The following PRDM15 variants were observed in gnomAD, a reference collection of about 807,000 sequenced individuals.
The protein encoded by PRDM15 is PR domain zinc finger protein 15.
Under a neutral mutation model 128.6 loss-of-function variants are expected in PRDM15, and 64 were observed. The observed-to-expected ratio is 0.50, with a 90% CI of 0.41 to 0.61. PRDM15 has a LOEUF of 0.61. PRDM15 is among the 20% of genes least tolerant of loss of function. The pLI is 0.00. For missense variants in PRDM15, 1,242 were observed against 1,569.1 expected (o/e 0.79, Z 3.52); for synonymous variants, 615 against 621.8 (o/e 0.99, Z 0.16).
chr21:41,839,871 A>G lies in PRDM15; in HGVS notation c.641-18T>C, dbSNP rs780798508. 1.2e-6 allele frequency: 2 copies of G among 1,605,556 alleles called. No homozygotes were observed. Among genetic ancestry groups the G allele is most frequent in the Non-Finnish European group, 1.7e-6 (2 of 1,172,490 alleles). On this transcript the variant is annotated intron_variant, in intron 6 of 23. Coordinates refer to ENST00000398548, the MANE Select transcript of PRDM15 (RefSeq NM_001040424.3). ...CAGATGTTCTGCAAAGAGAGACGCG[A>G]ATGCACCACACAATTAGGAAGCCTG...
intron 14 of PRDM15, among the ~76,000 whole-genome samples, chr21:41,822,829 G>A (rs1468706541): frequency 6.6e-6 from 1 of 152,112 alleles, no homozygotes; most frequent in Non-Finnish European, 1.5e-5. Flanking sequence ...GAGGTCAGGA[G>A]TTCAAGACCA....
rs761342032 is a variant in PRDM15, at chr21:41,810,743, C to T, written c.2476+10G>A. ...GCGCCCCGAAGGCTCCTTCAGGCTG[C>T]GCCGCTCACCTGTGTGGATGAGCTT... On this transcript the variant is annotated intron_variant, in intron 20 of 23. Transcript: ENST00000398548. This position sits in a 1 kb window ranked among gnomAD's most constrained non-coding sequence, Gnocchi z 6.4. 4.0e-5 allele frequency: 65 copies of T among 1,612,848 alleles called. No individual in the cohort carries two copies. In the Admixed American group the frequency reaches 4.2e-4, roughly 10 times the overall value.
At chr21:41,826,281 C>T (rs774262957) in intron 12 of PRDM15, among the ~76,000 whole-genome samples, 11 of 152,290 alleles carry the variant, frequency 7.2e-5, no homozygotes, top group Non-Finnish European at 1.5e-4. Context: ...GATGGCACAA[C>T]GTATGTGGGA....
intron 1 of PRDM15, among the ~76,000 whole-genome samples, chr21:41,864,436 A>G (rs1195634442): frequency 6.6e-6 from 1 of 150,960 alleles, no homozygotes; most frequent in Non-Finnish European, 1.5e-5. Context: ...AATCATTTGC[A>G]TCTTCATTCA....
chr21:41,799,604 A>G lies in PRDM15; in HGVS notation c.*1636T>C, dbSNP rs961808440. The G allele has an allele frequency of 1.3e-5, 2 of 152,182 alleles. No homozygotes were observed. Among genetic ancestry groups the G allele is most frequent in the African/African-American group, 2.4e-5 (1 of 41,438 alleles). The allele number at this position is 152,182 out of a possible 1,614,324, so 9.4% of individuals were successfully genotyped here. On this transcript the variant is annotated 3_prime_UTR_variant, in exon 24 of 24. Coordinates refer to ENST00000398548, the MANE Select transcript of PRDM15 (RefSeq NM_001040424.3). Reference sequence around the variant, plus strand: ...CATGAAGGCATATATTGCACAAAACAAATTCCAGCCCTGTCCTCAAAAGTC... The same window carrying G: ...CATGAAGGCATATATTGCACAAAACGAATTCCAGCCCTGTCCTCAAAAGTC...
At chr21:41,816,050 T>A (rs6586243) in intron 18 of PRDM15, among the ~76,000 whole-genome samples, 1 of 152,186 alleles carries the variant, frequency 6.6e-6, no homozygotes, top group Non-Finnish European at 1.5e-5. Flanking sequence ...AACATCAGGT[T>A]CACTCACTCC....
At chr21:41,851,117 G>A (rs1225320071) in intron 5 of PRDM15, among the ~76,000 whole-genome samples, 5 of 67,960 alleles carry the variant, frequency 7.4e-5, no homozygotes, top group Admixed American at 4.9e-4. Context: ...TGGGCCAGAG[G>A]TACAACAATG....
At chr21:41,872,503 T>C (rs889700046) in intron 1 of PRDM15, among the ~76,000 whole-genome samples, 4 of 152,226 alleles carry the variant, frequency 2.6e-5, no homozygotes, top group African/African-American at 4.8e-5. Flanking sequence ...ATAACTTTAA[T>C]TGATTTTTTA....
chr21:41,846,190 G>A (rs2063259568), intron 6 of PRDM15, among the ~76,000 whole-genome samples: 1 of 152,214 alleles, frequency 6.6e-6, no homozygotes, highest in Non-Finnish European at 1.5e-5. Context: ...CTCTGAGCAC[G>A]TTCCACATGT....
At chr21:41,830,631 A>G (rs996428462) in intron 11 of PRDM15, among the ~76,000 whole-genome samples, 1 of 151,932 alleles carries the variant, frequency 6.6e-6, no homozygotes, top group African/African-American at 2.4e-5. Flanking sequence ...CACCACAGAA[A>G]TACTCAACAC....
At chr21:41,831,592 C>A (rs998156282) in intron 11 of PRDM15, among the ~76,000 whole-genome samples, 1 of 152,182 alleles carries the variant, frequency 6.6e-6, no homozygotes, top group Non-Finnish European at 1.5e-5. Context: ...CAACCTCCCC[C>A]GGGAGAGCCA....
intron 7 of PRDM15, 115 bp from the exon 8 acceptor site, chr21:41,838,178 C>A: frequency 1.8e-6 from 2 of 1,097,300 alleles, no homozygotes; most frequent in African/African-American, 1.6e-5. Context: ...ATGGTAGGCA[C>A]AAATGTTGAG....
rs938321441 is a variant in PRDM15 at position 41,810,136 on chromosome 21, G to A, written c.2652+18C>T. ...GGCCCGCTGGCGGGGCACGGAGGGG[G>A]CACAGCCACCAGCTCACCTCGGGGT... On this transcript the variant is annotated intron_variant, in intron 21 of 23. Transcript: ENST00000398548. The surrounding 1 kb of genome is among the most constrained non-coding windows in gnomAD (Gnocchi z 6.4). 4 of 1,594,352 alleles carry A rather than the reference G, an allele frequency of 2.5e-6. No individual in the cohort carries two copies. Among genetic ancestry groups the A allele is most frequent in the Non-Finnish European group, 3.4e-6 (4 of 1,171,034 alleles).
intron 5 of PRDM15, among the ~76,000 whole-genome samples, chr21:41,852,293 G>A (rs77642650): frequency 0.094 from 14,340 of 152,348 alleles, 923 homozygotes; most frequent in Non-Finnish European, 0.14. Flanking sequence ...AAACCCCGGC[G>A]TGGCTGCAGT....
intron 11 of PRDM15, among the ~76,000 whole-genome samples, chr21:41,830,779 C>A (rs1568942037): frequency 6.6e-6 from 1 of 152,232 alleles, no homozygotes; most frequent in Non-Finnish European, 1.5e-5. Context: ...GCATCCCAGA[C>A]CTCATCTCCA....
In PRDM15 at chr21:41,871,422, C is replaced by G. The variant is rs2064204870; in HGVS notation, c.-10+7848G>C. 3 of 1,345,838 alleles carry G rather than the reference C, an allele frequency of 2.2e-6. No homozygotes were observed. In the South Asian group the frequency reaches 5.3e-5, roughly 24 times the overall value. 83.4% of individuals were successfully genotyped at this position (1,345,838 alleles called of 1,614,324 possible). On this transcript the variant is annotated intron_variant, in intron 1 of 23. Transcript: ENST00000398548. ...TGTCACTGTCCCTCTTAAGCAGCAG[C>G]TGCCATTGTTAAAGCCACAGGCTGT...
At chr21:41,851,778 T>TG (rs2063437859) in intron 5 of PRDM15, among the ~76,000 whole-genome samples, 1 of 152,112 alleles carries the variant, frequency 6.6e-6, no homozygotes, top group African/African-American at 2.4e-5. Context: ...AGCCAGTGAG[T>TG]GGAATCGCCA....
chr21:41,867,500 C>T lies in PRDM15; in HGVS notation c.-9-7128G>A, dbSNP rs2038602780. On this transcript the variant is annotated intron_variant, in intron 1 of 23. Transcript: ENST00000398548. The stretch of plus-strand genomic sequence containing the variant: ...CAGGCTGGAGCGCAGTGGTTTTTCA[C>T]AGGCGTGAACATAGCGCACTACAGC... 3 of 712,182 alleles carry T rather than the reference C, an allele frequency of 4.2e-6. No individual in the cohort carries two copies. The Admixed American group carries it at 7.6e-5, about 18-fold the overall frequency. The allele number at this position is 712,182 out of a possible 1,614,324, so 44.1% of individuals were successfully genotyped here. A position where few individuals can be genotyped will look rare whatever the true frequency, so the allele number is the denominator to read the frequency against.
Position 41,847,187 on chromosome 21 carries a change from T to C in PRDM15, c.543A>G (p.Ala181=), listed in dbSNP as rs1249709633. 1.3e-6 allele frequency: 2 copies of C among 1,550,492 alleles called. No individual in the cohort carries two copies. The highest frequency in any genetic ancestry group is 1.7e-6 in the Non-Finnish European group (2 of 1,146,102). ...LKQAGSGVHA[A]GTPENSAPVE... ...CGGGGGCGCTGTTTTCTGGGGTGCC[T>C]GCAGCTTCAAAAGACATGAGAGGAG... The change falls in exon 6 of 24, where the codon GCA becomes GCG. Residue 181 remains alanine, a synonymous_variant. Coordinates refer to ENST00000398548, the MANE Select transcript of PRDM15 (RefSeq NM_001040424.3).
Sources: gnomAD v4.1 joint callset for allele counts (sites outside exome capture counted in the v4.1 genomes callset) on GRCh38, gnomAD v4.1.1 for gene constraint, Gnocchi (gnomAD v3.1) non-coding constraint, MANE v1.5 for transcripts, NCBI Gene and HGNC (gene_info 2026-07-23, HGNC 2026-07-21) for gene names.